VPS13B: variants seen among roughly 807,000 people sequenced by gnomAD.
VPS13B encodes vacuolar protein sorting 13 homolog B, also known as intermembrane lipid transfer protein VPS13B.
VPS13B carries 285 observed loss-of-function variants against 426.4 expected under a neutral mutation model. The observed-to-expected ratio is 0.67, with a 90% CI of 0.61 to 0.74. The LOEUF (loss-of-function observed/expected upper bound fraction) is 0.74, where lower values mean the gene tolerates loss of function less well. Ranked by LOEUF, VPS13B falls within the 30% of genes least tolerant of loss-of-function variation. The pLI, the probability that VPS13B is intolerant of heterozygous loss-of-function variation, is 0.00. For synonymous variants in VPS13B, 1,676 were observed against 1,676.4 expected (o/e 1.00, Z 0.01); for missense variants, 4,537 against 4,782.6 (o/e 0.95, Z 1.51).
chr8:99,840,867 T>C (rs1269638706), intron 54 of VPS13B, among the ~76,000 whole-genome samples: 3 of 152,210 alleles, frequency 2.0e-5, no homozygotes, highest in African/African-American at 7.2e-5. Context: ...TCAGTGCAGG[T>C]GAATATCTGA....
At chr8:99,140,109 G>A (rs1810321602) in intron 12 of VPS13B, among the ~76,000 whole-genome samples, 1 of 152,112 alleles carries the variant, frequency 6.6e-6, no homozygotes, top group Admixed American at 6.5e-5. Flanking sequence ...GCTCATGCCT[G>A]TAATCCCAGC....
intron 33 of VPS13B, among the ~76,000 whole-genome samples, chr8:99,609,094 C>G (rs1306974369): frequency 6.6e-6 from 1 of 152,098 alleles, no homozygotes; most frequent in African/African-American, 2.4e-5. Flanking sequence ...AGGTTAGTTG[C>G]AAAGTGAAAT....
At chr8:99,356,277 G>T (rs1296035071) in intron 19 of VPS13B, among the ~76,000 whole-genome samples, 1 of 152,038 alleles carries the variant, frequency 6.6e-6, no homozygotes, top group Non-Finnish European at 1.5e-5. Context: ...GTGTATTTAG[G>T]AGTTTTTCAT....
At chr8:99,710,440 G>A (rs1318380503) in intron 36 of VPS13B, among the ~76,000 whole-genome samples, 1 of 152,030 alleles carries the variant, frequency 6.6e-6, no homozygotes, top group Non-Finnish European at 1.5e-5. Context: ...ATTCTCTGTG[G>A]CCCTAGGTTT....
intron 39 of VPS13B, among the ~76,000 whole-genome samples, chr8:99,748,765 G>A (rs909955660): frequency 6.6e-6 from 1 of 151,904 alleles, no homozygotes; most frequent in African/African-American, 2.4e-5. Context: ...TATATACTCA[G>A]GAGTATATAG....
At chr8:99,680,138 T>A (rs1831101010) in intron 35 of VPS13B, among the ~76,000 whole-genome samples, 1 of 152,218 alleles carries the variant, frequency 6.6e-6, no homozygotes, top group Admixed American at 6.5e-5. Context: ...CTTTCATAAA[T>A]GTTATGATTT....
intron 35 of VPS13B, among the ~76,000 whole-genome samples, chr8:99,666,460 A>G (rs1167465559): frequency 4.6e-5 from 7 of 152,170 alleles, no homozygotes; most frequent in Non-Finnish European, 8.8e-5. Context: ...CTTATCCACC[A>G]TGATCAAGTG....
At chr8:99,626,789 G>A (rs961661021) in intron 33 of VPS13B, among the ~76,000 whole-genome samples, 1 of 152,062 alleles carries the variant, frequency 6.6e-6, no homozygotes, top group African/African-American at 2.4e-5. Flanking sequence ...ATACCCAAAG[G>A]AACTGAAATC....
chr8:99,499,535 C>CTA (rs1211554221), intron 25 of VPS13B, among the ~76,000 whole-genome samples: 2 of 152,000 alleles, frequency 1.3e-5, no homozygotes, highest in Admixed American at 6.6e-5. Flanking sequence ...TAAAGAAAGG[C>CTA]TATATATATT....
At chr8:99,732,251 G>A (rs1481022213) in intron 39 of VPS13B, among the ~76,000 whole-genome samples, 3 of 152,158 alleles carry the variant, frequency 2.0e-5, no homozygotes, top group African/African-American at 2.4e-5. Flanking sequence ...CTAGGACTGC[G>A]AATGTCTCTA....
chr8:99,374,658 T>C (rs971822202), intron 19 of VPS13B, among the ~76,000 whole-genome samples: 3 of 152,196 alleles, frequency 2.0e-5, no homozygotes, highest in African/African-American at 7.2e-5. Context: ...TCCAAAAAAA[T>C]ACATGCCTCT....
chr8:99,553,785 T>C (rs1312423693), intron 30 of VPS13B, among the ~76,000 whole-genome samples: 1 of 152,044 alleles, frequency 6.6e-6, no homozygotes, highest in African/African-American at 2.4e-5. Flanking sequence ...CTCTGAATTT[T>C]TTCAAATCAA....
chr8:99,592,021 C>G lies in VPS13B; in HGVS notation c.5220+14388C>G, dbSNP rs762142130. Reference sequence around the variant, plus strand: ...TAGATTTGGTCTTTTCACGTAGTCCCATATTTCTTGGAGGCTTTTTTCTTT... The same window carrying G: ...TAGATTTGGTCTTTTCACGTAGTCCGATATTTCTTGGAGGCTTTTTTCTTT... On this transcript the variant is annotated intron_variant, in intron 33 of 61. Coordinates refer to ENST00000357162, the MANE Select transcript of VPS13B (RefSeq NM_152564.5). Among the ~76,000 whole-genome samples the G allele has an allele frequency of 2.2e-4, 33 of 152,176 alleles. 1 individual carries two copies. Among genetic ancestry groups the G allele is most frequent in the Non-Finnish European group, 4.0e-4 (27 of 67,988 alleles).
chr8:99,117,500 C>G (rs1449495700), intron 7 of VPS13B, among the ~76,000 whole-genome samples: 1 of 152,082 alleles, frequency 6.6e-6, no homozygotes, highest in Non-Finnish European at 1.5e-5. Flanking sequence ...ATGAAATGTT[C>G]ATGGTAACAT....
chr8:99,069,207 C>T (rs1587993308), intron 3 of VPS13B, among the ~76,000 whole-genome samples: 1 of 152,046 alleles, frequency 6.6e-6, no homozygotes, highest in Non-Finnish European at 1.5e-5. Flanking sequence ...CTGAGGTGGG[C>T]GGATTGCCTG....
intron 19 of VPS13B, among the ~76,000 whole-genome samples, chr8:99,328,040 C>T (rs1184829051): frequency 2.0e-5 from 3 of 152,200 alleles, no homozygotes; most frequent in African/African-American, 7.2e-5. Context: ...CTATTAGGAA[C>T]CAGGCTGCAT....
chr8:99,333,921 T>C (rs1810679259), intron 19 of VPS13B, among the ~76,000 whole-genome samples: 1 of 151,976 alleles, frequency 6.6e-6, no homozygotes, highest in South Asian at 2.1e-4. Context: ...AATTGCTAAA[T>C]AGTATTCCAT....
At chr8:99,066,277 C>T (rs1844505116) in intron 3 of VPS13B, among the ~76,000 whole-genome samples, 4 of 152,240 alleles carry the variant, frequency 2.6e-5, no homozygotes. Flanking sequence ...GTAACCAAAA[C>T]AGCATGGTAC....
chr8:99,129,390 C>T (rs1809627505), intron 8 of VPS13B, among the ~76,000 whole-genome samples: 1 of 149,378 alleles, frequency 6.7e-6, no homozygotes, highest in African/African-American at 2.5e-5. Flanking sequence ...ATAGTGAGAC[C>T]CTGTCTGTAC....
Sources: gnomAD v4.1 joint callset for allele counts (sites outside exome capture counted in the v4.1 genomes callset) on GRCh38, gnomAD v4.1.1 for gene constraint, MANE v1.5 for transcripts, NCBI Gene and HGNC (gene_info 2026-07-23, HGNC 2026-07-21) for gene names.